ADAMTSL1: variants seen among roughly 807,000 people sequenced by gnomAD.
ADAMTSL1 encodes ADAMTS like 1.
ADAMTSL1 carries 126 observed loss-of-function variants against 201.8 expected under a neutral mutation model. The observed-to-expected ratio is 0.62, with a 90% CI of 0.54 to 0.72. ADAMTSL1 has a LOEUF of 0.72. Ranked by LOEUF, ADAMTSL1 falls within the 30% of genes least tolerant of loss-of-function variation. The pLI, the probability that ADAMTSL1 is intolerant of heterozygous loss-of-function variation, is 0.00. For missense variants in ADAMTSL1, 2,679 were observed against 2,277.8 expected, an observed-to-expected ratio of 1.18 and a Z score of -3.59; for synonymous variants, 1,121 against 903.4, an observed-to-expected ratio of 1.24 and a Z score of -4.32.
At chr9:18,231,267 A>C (rs1944752) in intron 2 of ADAMTSL1, among the ~76,000 whole-genome samples, 1 of 151,784 alleles carries the variant, frequency 6.6e-6, no homozygotes, top group Non-Finnish European at 1.5e-5. Context: ...GCTCCTCCCT[A>C]TCTCTCTAAA....
chr9:18,802,201 A>G (rs1009526439), intron 20 of ADAMTSL1, among the ~76,000 whole-genome samples: 1 of 152,100 alleles, frequency 6.6e-6, no homozygotes, highest in Non-Finnish European at 1.5e-5. Context: ...GCTTGAGCCT[A>G]GGAGGTTGAG....
intron 20 of ADAMTSL1, among the ~76,000 whole-genome samples, chr9:18,811,208 ACCAGCCAG>A (rs1477596385): frequency 6.6e-6 from 1 of 152,032 alleles, no homozygotes; most frequent in Non-Finnish European, 1.5e-5. Flanking sequence ...TAGATTCCCC[ACCAGCCAG>A]CCTCAAATGA....
chr9:18,484,646 AG>A (rs1342687027), intron 1 of ADAMTSL1, among the ~76,000 whole-genome samples: 1 of 152,238 alleles, frequency 6.6e-6, no homozygotes. Context: ...AGCTGCATAT[AG>A]AAGGCTAATG....
intron 3 of ADAMTSL1, among the ~76,000 whole-genome samples, chr9:18,541,256 A>G (rs1458331823): frequency 6.6e-6 from 1 of 152,196 alleles, no homozygotes; most frequent in East Asian, 1.9e-4. Context: ...CATGCCTGTA[A>G]TCCCGGCACT....
chr9:18,321,752 C>T (rs1201497859), intron 2 of ADAMTSL1, among the ~76,000 whole-genome samples: 1 of 152,122 alleles, frequency 6.6e-6, no homozygotes, highest in Non-Finnish European at 1.5e-5. Flanking sequence ...GAGATCACAC[C>T]ACAGCACTCC....
intron 1 of ADAMTSL1, among the ~76,000 whole-genome samples, chr9:17,939,602 A>G (rs1427702811): frequency 6.6e-6 from 1 of 152,132 alleles, no homozygotes; most frequent in South Asian, 2.1e-4. Flanking sequence ...TGAAAGGATG[A>G]TTATTATAAT....
At chr9:18,183,755 A>G (rs187304920) in intron 2 of ADAMTSL1, among the ~76,000 whole-genome samples, 140 of 152,312 alleles carry the variant, frequency 9.2e-4, no homozygotes, top group African/African-American at 3.1e-3. Context: ...TAATTTATGT[A>G]AAAAAGAATA....
chr9:18,030,878 A>T (rs1270554028), intron 1 of ADAMTSL1, among the ~76,000 whole-genome samples: 3 of 151,786 alleles, frequency 2.0e-5, no homozygotes, highest in African/African-American at 7.3e-5. Context: ...ATTTTTCTTT[A>T]TTTTTGTCTC....
chr9:18,411,686 C>T (rs1818451000), intron 2 of ADAMTSL1, among the ~76,000 whole-genome samples: 1 of 152,170 alleles, frequency 6.6e-6, no homozygotes, highest in Admixed American at 6.5e-5. Context: ...ATTCTTTCTT[C>T]ATCTATCCTT....
chr9:18,371,313 T>A (rs1476098576), intron 2 of ADAMTSL1, among the ~76,000 whole-genome samples: 1 of 152,310 alleles, frequency 6.6e-6, no homozygotes, highest in Admixed American at 6.5e-5. Flanking sequence ...GAATAATACA[T>A]TCTGATAAAA....
chr9:18,411,691 A>G (rs891939624), intron 2 of ADAMTSL1, among the ~76,000 whole-genome samples: 2 of 152,186 alleles, frequency 1.3e-5, no homozygotes, highest in African/African-American at 4.8e-5. Flanking sequence ...TTCTTCATCT[A>G]TCCTTCCATG....
chr9:18,643,543 G>T (rs1827583436), intron 7 of ADAMTSL1, among the ~76,000 whole-genome samples: 1 of 151,992 alleles, frequency 6.6e-6, no homozygotes, highest in African/African-American at 2.4e-5. Context: ...ATAGTTTCAG[G>T]TCTTACACTT....
At chr9:18,737,319 C>CAAAAAAAAAAAA (rs59511409) in intron 15 of ADAMTSL1, among the ~76,000 whole-genome samples, 2 of 53,672 alleles carry the variant, frequency 3.7e-5, no homozygotes, top group African/African-American at 7.7e-5. Flanking sequence ...AACTCTGTCT[C>CAAAAAAAAAAAA]AAAAAAAAAA....
intron 3 of ADAMTSL1, among the ~76,000 whole-genome samples, chr9:18,538,516 C>G (rs1019927560): frequency 1.3e-5 from 2 of 151,976 alleles, no homozygotes; most frequent in African/African-American, 4.8e-5. Context: ...AGATTTGGAT[C>G]TGAATGCAGA....
intron 17 of ADAMTSL1, among the ~76,000 whole-genome samples, chr9:18,772,354 C>T (rs1282256148): frequency 6.6e-6 from 1 of 152,122 alleles, no homozygotes; most frequent in Non-Finnish European, 1.5e-5. Flanking sequence ...GCATATGAGA[C>T]AGAGAAGATT....
intron 23 of ADAMTSL1, among the ~76,000 whole-genome samples, chr9:18,854,057 GA>G (rs1217602542): frequency 6.6e-6 from 1 of 152,170 alleles, no homozygotes. Flanking sequence ...CTATGTTTTA[GA>G]AAAGTTTGGG....
intron 3 of ADAMTSL1, among the ~76,000 whole-genome samples, chr9:18,541,297 G>C (rs1820129942): frequency 6.6e-6 from 1 of 152,154 alleles, no homozygotes. Context: ...GATCACCTGA[G>C]GTCAGGAGTT....
intron 1 of ADAMTSL1, among the ~76,000 whole-genome samples, chr9:18,080,876 A>G (rs887702509): frequency 6.6e-6 from 1 of 152,192 alleles, no homozygotes; most frequent in Non-Finnish European, 1.5e-5. Context: ...ATTTTTAGAA[A>G]AAGCCTCTCA....
intron 16 of ADAMTSL1, among the ~76,000 whole-genome samples, chr9:18,762,892 G>T (rs1280414670): frequency 2.0e-5 from 3 of 152,058 alleles, no homozygotes; most frequent in Non-Finnish European, 2.9e-5. Flanking sequence ...TTCTTTATCA[G>T]TTAATCTGTT....
Sources: gnomAD v4.1 joint callset for allele counts (sites outside exome capture counted in the v4.1 genomes callset) on GRCh38, gnomAD v4.1.1 for gene constraint, MANE v1.5 for transcripts, NCBI Gene and HGNC (gene_info 2026-07-23, HGNC 2026-07-21) for gene names.